The following PCDH15 variants were observed in gnomAD, a reference collection of about 807,000 sequenced individuals.
The protein encoded by PCDH15 is protocadherin related 15, also known as protocadherin-15.
In PCDH15, 129 loss-of-function variants were observed where a neutral mutation model predicts 178.5. The observed-to-expected ratio is 0.72, with a 90% CI of 0.63 to 0.84. The LOEUF is 0.84. Ranked by LOEUF, PCDH15 falls within the 40% of genes least tolerant of loss-of-function variation. The pLI is 0.00. For synonymous variants in PCDH15, 800 were observed against 732.0 expected, an observed-to-expected ratio of 1.09 and a Z score of -1.50; for missense variants, 2,230 against 2,099.9, an observed-to-expected ratio of 1.06 and a Z score of -1.21.
At chr10:54,796,047 G>A (rs945818275) in intron 1 of PCDH15, among the ~76,000 whole-genome samples, 10 of 151,720 alleles carry the variant, frequency 6.6e-5, no homozygotes, top group African/African-American at 2.4e-4. Context: ...TAAGGGAGTG[G>A]AATAGAATTA....
intron 3 of PCDH15, among the ~76,000 whole-genome samples, chr10:54,872,557 G>C (rs1479319881): frequency 6.6e-6 from 1 of 152,022 alleles, no homozygotes; most frequent in Non-Finnish European, 1.5e-5. Context: ...GATTATTTCT[G>C]ACCGATAGTG....
intron 2 of PCDH15, among the ~76,000 whole-genome samples, chr10:55,394,685 T>TA (rs931927605): frequency 0.014 from 2,006 of 141,040 alleles, 32 homozygotes; most frequent in African/African-American, 0.039. Flanking sequence ...AGTAGAAAAT[T>TA]AAAAAAAAAA....
intron 2 of PCDH15, among the ~76,000 whole-genome samples, chr10:55,533,954 C>A (rs1037749577): frequency 6.6e-6 from 1 of 151,956 alleles, no homozygotes; most frequent in Non-Finnish European, 1.5e-5. Flanking sequence ...TAATTTTTGG[C>A]AAGGCTGACC....
chr10:54,430,728 C>T (rs190442279), intron 3 of PCDH15, among the ~76,000 whole-genome samples: 32 of 150,996 alleles, frequency 2.1e-4, no homozygotes, highest in East Asian at 9.8e-4. Flanking sequence ...GCAAACCAAA[C>T]GCAAAATTAC....
intron 3 of PCDH15, among the ~76,000 whole-genome samples, chr10:54,490,642 C>T (rs1478581983): frequency 6.6e-6 from 1 of 152,052 alleles, no homozygotes; most frequent in African/African-American, 2.4e-5. Context: ...TAAAAACACA[C>T]ATATGCCATC....
chr10:54,548,512 A>C (rs1020838668), intron 2 of PCDH15, among the ~76,000 whole-genome samples: 10 of 147,048 alleles, frequency 6.8e-5, no homozygotes, highest in African/African-American at 2.5e-4. Flanking sequence ...ATGGTATATT[A>C]TGGATCCATT....
At chr10:54,383,396 T>A (rs925336837) in intron 3 of PCDH15, among the ~76,000 whole-genome samples, 5 of 152,162 alleles carry the variant, frequency 3.3e-5, no homozygotes, top group African/African-American at 1.2e-4. Context: ...AAAGTCATAC[T>A]ACTAAGATCA....
chr10:55,443,601 T>C (rs887093123), intron 2 of PCDH15, among the ~76,000 whole-genome samples: 3 of 152,038 alleles, frequency 2.0e-5, no homozygotes, highest in Non-Finnish European at 4.4e-5. Flanking sequence ...CTTGCTCCAT[T>C]TAGAATGGTG....
chr10:55,421,397 A>T (rs1838618419), intron 2 of PCDH15, among the ~76,000 whole-genome samples: 1 of 145,642 alleles, frequency 6.9e-6, no homozygotes, highest in Admixed American at 6.9e-5. Context: ...ATTTGCGTAA[A>T]TTTTAATATA....
chr10:55,578,150 G>A (rs1842531183), intron 2 of PCDH15, among the ~76,000 whole-genome samples: 1 of 151,864 alleles, frequency 6.6e-6, no homozygotes, highest in Non-Finnish European at 1.5e-5. Context: ...AATTAAGCCA[G>A]GTTGAAAGTT....
intron 1 of PCDH15, among the ~76,000 whole-genome samples, chr10:54,783,608 G>A (rs1432382306): frequency 2.6e-5 from 4 of 152,102 alleles, no homozygotes; most frequent in Non-Finnish European, 5.9e-5. Flanking sequence ...CAAGTCTTCA[G>A]AGAGATATGG....
intron 8 of PCDH15, among the ~76,000 whole-genome samples, chr10:54,287,135 C>G (rs1175664095): frequency 6.6e-6 from 1 of 152,042 alleles, no homozygotes; most frequent in Non-Finnish European, 1.5e-5. Context: ...TTTAGAGTTT[C>G]AAAATTTCAT....
intron 7 of PCDH15, among the ~76,000 whole-genome samples, chr10:54,320,585 T>C (rs61853344): frequency 0.23 from 28,140 of 122,086 alleles, 2,670 homozygotes; most frequent in Admixed American, 0.27. Context: ...TATTTTAAAT[T>C]TTAAAAAAAA....
intron 23 of PCDH15, among the ~76,000 whole-genome samples, chr10:53,946,105 A>G (rs1045251251): frequency 1.3e-5 from 2 of 152,144 alleles, no homozygotes; most frequent in African/African-American, 2.4e-5. Flanking sequence ...TCAGAAAAAT[A>G]AAAGTTAAAT....
At chr10:54,790,274 C>A (rs749671788) in intron 1 of PCDH15, among the ~76,000 whole-genome samples, 20 of 151,672 alleles carry the variant, frequency 1.3e-4, no homozygotes, top group Non-Finnish European at 2.5e-4. Context: ...CAGTGCCCAG[C>A]CACTAGTGAC....
chr10:54,254,616 A>G (rs1421365242), intron 8 of PCDH15, among the ~76,000 whole-genome samples: 1 of 152,158 alleles, frequency 6.6e-6, no homozygotes, highest in Non-Finnish European at 1.5e-5. Context: ...ATCCCTCAGC[A>G]TACTGAAGGA....
chr10:55,072,229 G>T (rs1714472717), intron 2 of PCDH15, among the ~76,000 whole-genome samples: 1 of 151,942 alleles, frequency 6.6e-6, no homozygotes, highest in Admixed American at 6.6e-5. Flanking sequence ...CTAGCAGAAG[G>T]CAAGAAATAA....
rs537078758 is a variant in PCDH15, at chr10:54,925,288, G to C, written c.-79-27788C>G. On this transcript the variant is annotated intron_variant, in intron 2 of 5. Transcript: ENST00000458638. The stretch of plus-strand genomic sequence containing the variant: ...GCCACATTTCTGGGTTCTCGATTCT[G>C]TTCCATTGGTTTATGTATCTGTTTC... Among the ~76,000 whole-genome samples, 5 of 152,226 alleles carry C rather than the reference G, an allele frequency of 3.3e-5. No individual in the cohort carries two copies. In the South Asian group the frequency reaches 1.0e-3, roughly 32 times the overall value.
At chr10:55,441,766 T>C (rs1839192857) in intron 2 of PCDH15, among the ~76,000 whole-genome samples, 2 of 152,304 alleles carry the variant, frequency 1.3e-5, no homozygotes, top group South Asian at 4.1e-4. Context: ...ATCTTATTGA[T>C]CTTGTTTGGA....
Sources: allele counts gnomAD v4.1 joint callset (sites outside exome capture counted in the v4.1 genomes callset), GRCh38; gene constraint gnomAD v4.1.1; transcripts MANE v1.5; gene names NCBI Gene and HGNC (gene_info 2026-07-23, HGNC 2026-07-21).